SUPT3H: variants seen among roughly 807,000 people sequenced by gnomAD.
SUPT3H encodes SPT3 homolog, SAGA and STAGA complex component.
SUPT3H carries 44 observed loss-of-function variants against 44.3 expected under a neutral mutation model. That is an observed-to-expected ratio of 0.99 (90% confidence interval 0.78 to 1.28). SUPT3H has a LOEUF of 1.28. SUPT3H is among the 50% of genes most tolerant of loss of function. The probability of loss-of-function intolerance (pLI) is 0.00; values close to 1 mark genes in which losing one functional copy is unlikely to be tolerated. For synonymous variants in SUPT3H, 124 were observed against 125.6 expected, an observed-to-expected ratio of 0.99 and a Z score of 0.09; for missense variants, 380 against 387.1, an observed-to-expected ratio of 0.98 and a Z score of 0.15.
rs116725688 is a variant in SUPT3H, at chr6:45,151,651, A to C, written c.102-45645T>G. Among the ~76,000 whole-genome samples, 572 of 152,300 alleles carry C rather than the reference A, an allele frequency of 3.8e-3. 8 individuals are homozygous for C. The highest frequency in any genetic ancestry group is 0.013 in the African/African-American group (527 of 41,566). The stretch of plus-strand genomic sequence containing the variant: ...ACACTGGGCATTAAATCTTACAGGT[A>C]ATTAATTATGACGTAAAAATGTAAT... On this transcript the variant is annotated intron_variant, in intron 2 of 10. Transcript: ENST00000371459.
intron 2 of SUPT3H, among the ~76,000 whole-genome samples, chr6:45,193,797 G>A (rs998870113): frequency 2.0e-5 from 3 of 152,122 alleles, no homozygotes; most frequent in East Asian, 1.9e-4. Context: ...AGGTTGTAAC[G>A]TACATTAGGG....
intron 2 of SUPT3H, among the ~76,000 whole-genome samples, chr6:45,358,631 A>G (rs930912702): frequency 1.3e-5 from 2 of 152,194 alleles, no homozygotes; most frequent in African/African-American, 4.8e-5. Context: ...TTTTAATTCA[A>G]TCATCTCATT....
At chr6:45,284,148 T>C (rs1778743872) in intron 2 of SUPT3H, among the ~76,000 whole-genome samples, 1 of 151,780 alleles carries the variant, frequency 6.6e-6, no homozygotes, top group East Asian at 1.9e-4. Flanking sequence ...GCAGGAAAGA[T>C]CTAAAATTGA....
At chr6:45,321,249 T>A (rs1038551451) in intron 2 of SUPT3H, among the ~76,000 whole-genome samples, 8 of 152,270 alleles carry the variant, frequency 5.3e-5, no homozygotes, top group South Asian at 4.1e-4. Context: ...TCATATTCAC[T>A]CATTTTTAAA....
At chr6:45,054,593 T>G (rs116940359) in intron 3 of SUPT3H, among the ~76,000 whole-genome samples, 1 of 152,206 alleles carries the variant, frequency 6.6e-6, no homozygotes, top group East Asian at 1.9e-4. Flanking sequence ...ATCTCAGCCA[T>G]GAACCTTGCA....
At chr6:45,187,101 T>TAAAAAAAAAA (rs70996308) in intron 2 of SUPT3H, among the ~76,000 whole-genome samples, 27 of 79,852 alleles carry the variant, frequency 3.4e-4, no homozygotes, top group African/African-American at 1.2e-3. Context: ...TTTTCGCCTT[T>TAAAAAAAAAA]AAAAAAAAAA....
chr6:44,957,240 T>C (rs1467619644), intron 7 of SUPT3H, among the ~76,000 whole-genome samples: 1 of 152,160 alleles, frequency 6.6e-6, no homozygotes, highest in East Asian at 1.9e-4. Flanking sequence ...GGATTCCACA[T>C]ACAGAAGAGT....
chr6:45,034,050 G>A (rs1309933949), intron 3 of SUPT3H, among the ~76,000 whole-genome samples: 3 of 152,100 alleles, frequency 2.0e-5, no homozygotes, highest in Admixed American at 6.6e-5. Flanking sequence ...GTTAAACTGT[G>A]TAACTGAAGA....
At chr6:44,895,191 T>C (rs1763937555) in intron 10 of SUPT3H, among the ~76,000 whole-genome samples, 2 of 151,644 alleles carry the variant, frequency 1.3e-5, no homozygotes, top group Admixed American at 1.3e-4. Flanking sequence ...GTATCAGAGG[T>C]GGTCTTAATC....
chr6:45,020,160 C>G (rs1784909407), intron 4 of SUPT3H, among the ~76,000 whole-genome samples: 1 of 151,872 alleles, frequency 6.6e-6, no homozygotes, highest in Non-Finnish European at 1.5e-5. Context: ...AAAAATTACT[C>G]TATGAAAGTC....
At chr6:45,164,125 C>A (rs1054299226) in intron 2 of SUPT3H, among the ~76,000 whole-genome samples, 4 of 152,108 alleles carry the variant, frequency 2.6e-5, no homozygotes, top group Non-Finnish European at 4.4e-5. Flanking sequence ...CACAGAGATG[C>A]CCACCAGAGG....
At chr6:45,373,392 A>C (rs1234007840) in intron 1 of SUPT3H, among the ~76,000 whole-genome samples, 3 of 152,206 alleles carry the variant, frequency 2.0e-5, no homozygotes, top group Non-Finnish European at 2.9e-5. Flanking sequence ...TTAGGTGGGA[A>C]TATGTTTGGA....
chr6:45,160,332 G>A (rs772841459), intron 2 of SUPT3H, among the ~76,000 whole-genome samples: 8 of 152,114 alleles, frequency 5.3e-5, no homozygotes, highest in Admixed American at 1.3e-4. Flanking sequence ...CACAGTAGTC[G>A]TATAACAGTA....
intron 3 of SUPT3H, among the ~76,000 whole-genome samples, chr6:45,085,680 A>G (rs1397761630): frequency 6.6e-6 from 1 of 152,144 alleles, no homozygotes; most frequent in Non-Finnish European, 1.5e-5. Flanking sequence ...TCTTGCTTGT[A>G]TATGTTTTCC....
chr6:44,878,319 T>C (rs776431782), intron 10 of SUPT3H, among the ~76,000 whole-genome samples: 2 of 152,334 alleles, frequency 1.3e-5, no homozygotes, highest in East Asian at 1.9e-4. Context: ...AGAAGATACA[T>C]GTATTTGTAA....
intron 9 of SUPT3H, among the ~76,000 whole-genome samples, chr6:44,937,073 T>A (rs1771559957): frequency 1.3e-5 from 2 of 152,206 alleles, no homozygotes; most frequent in South Asian, 2.1e-4. Flanking sequence ...TTTGCCAAAG[T>A]AAATAGAAGT....
At chr6:45,133,012 C>T (rs1412664464) in intron 2 of SUPT3H, among the ~76,000 whole-genome samples, 4 of 152,128 alleles carry the variant, frequency 2.6e-5, no homozygotes, top group African/African-American at 7.2e-5. Flanking sequence ...CATGAATAGA[C>T]ACTACTTGAA....
chr6:44,876,419 C>T (rs1453267973), intron 10 of SUPT3H, among the ~76,000 whole-genome samples: 4 of 115,306 alleles, frequency 3.5e-5, no homozygotes, highest in Non-Finnish European at 3.6e-5. Flanking sequence ...AACCAAACAC[C>T]GCATATTCTC....
chr6:44,867,705 C>G (rs952913192), intron 10 of SUPT3H, among the ~76,000 whole-genome samples: 2 of 152,132 alleles, frequency 1.3e-5, no homozygotes, highest in African/African-American at 4.8e-5. Context: ...CACAACCCCT[C>G]AACTTTCAAA....
Sources: gnomAD v4.1 joint callset for allele counts (sites outside exome capture counted in the v4.1 genomes callset) on GRCh38, gnomAD v4.1.1 for gene constraint, MANE v1.5 for transcripts, NCBI Gene and HGNC (gene_info 2026-07-23, HGNC 2026-07-21) for gene names.